The following EXD3 variants were observed in gnomAD, a reference collection of about 807,000 sequenced individuals.
EXD3 encodes exonuclease mut-7 homolog.
In EXD3, 92 loss-of-function variants were observed where a neutral mutation model predicts 98.0. The ratio of observed to expected loss-of-function variants is 0.94; its 90% CI spans 0.79 to 1.12. The LOEUF is 1.12. Ranked by LOEUF, EXD3 falls within the 50% of genes most tolerant of loss-of-function variation. The pLI is 0.00. For missense variants in EXD3, 1,222 were observed against 1,191.6 expected, an observed-to-expected ratio of 1.03 and a Z score of -0.38; for synonymous variants, 569 against 526.0, an observed-to-expected ratio of 1.08 and a Z score of -1.12.
chr9:137,393,552 T>A lies in EXD3; in HGVS notation c.55+1751A>T, dbSNP rs1837050672. On this transcript the variant is annotated intron_variant, in intron 2 of 21. Coordinates refer to ENST00000340951, the MANE Select transcript of EXD3 (RefSeq NM_017820.5). The surrounding 1 kb of genome is among the most constrained non-coding windows in gnomAD (Gnocchi z 4.6). ...CCGAGCACACGCTGACCTGGCTACA[T>A]CAGGGAAGGCGACATGCCCGGAGGT... 6.6e-6 allele frequency among the ~76,000 whole-genome samples: 1 copy of A among 152,124 alleles called. No homozygotes were observed. The highest frequency in any genetic ancestry group is 1.5e-5 in the Non-Finnish European group (1 of 68,008).
chr9:137,396,385 T>C lies in EXD3; in HGVS notation c.-47-981A>G, dbSNP rs551769610. ...TTTCTCTGAGTGCATAGCTTTAGTT[T>C]GAATCACACACAGCAGTTACACAAA... On this transcript the variant is annotated intron_variant, in intron 1 of 21. Coordinates refer to ENST00000340951, the MANE Select transcript of EXD3 (RefSeq NM_017820.5). Among the ~76,000 whole-genome samples, 6 of 152,334 alleles carry C rather than the reference T, an allele frequency of 3.9e-5. No homozygotes were observed. The South Asian group carries it at 1.2e-3, about 32-fold the overall frequency.
chr9:137,332,657 A>C (rs112433941), intron 17 of EXD3, among the ~76,000 whole-genome samples: 22,025 of 151,332 alleles, frequency 0.15, 2,010 homozygotes, highest in Admixed American at 0.28. Flanking sequence ...TCCTGGCTAA[A>C]ACAGTGAAAC....
At chr9:137,397,505 A>G (rs1329926051) in intron 1 of EXD3, among the ~76,000 whole-genome samples, 1 of 152,166 alleles carries the variant, frequency 6.6e-6, no homozygotes, top group Non-Finnish European at 1.5e-5. Flanking sequence ...CACGTAATAA[A>G]AATCACAAGA....
intron 19 of EXD3, among the ~76,000 whole-genome samples, chr9:137,320,399 C>T (rs958900748): frequency 1.3e-5 from 2 of 152,220 alleles, no homozygotes; most frequent in Admixed American, 6.5e-5. Context: ...CTGCCCTCTC[C>T]AGCCTGGACA....
chr9:137,384,255 G>A (rs1207520172), intron 2 of EXD3, among the ~76,000 whole-genome samples: 1 of 152,240 alleles, frequency 6.6e-6, no homozygotes, highest in African/African-American at 2.4e-5. Flanking sequence ...GACCTCAGCA[G>A]CTGGATTCTG....
At chr9:137,415,972 G>C (rs1281970087) in intron 1 of EXD3, among the ~76,000 whole-genome samples, 2 of 152,188 alleles carry the variant, frequency 1.3e-5, no homozygotes, top group Non-Finnish European at 2.9e-5. Context: ...GTGCCTCTGT[G>C]CTTTCTGTTT....
At chr9:137,406,881 T>G (rs138924926) in intron 1 of EXD3, among the ~76,000 whole-genome samples, 1,929 of 151,636 alleles carry the variant, frequency 0.013, 43 homozygotes, top group African/African-American at 0.043. Context: ...CTCAGCAGGC[T>G]GGGGACGGCC....
Position 137,371,070 on chromosome 9 carries a change from C to T in EXD3, c.462+1835G>A, listed in dbSNP as rs760383168. 2.0e-5 allele frequency among the ~76,000 whole-genome samples: 3 copies of T among 152,180 alleles called. No homozygotes were observed. Among genetic ancestry groups the T allele is most frequent in the Admixed American group, 2.0e-4 (3 of 15,286 alleles). The stretch of plus-strand genomic sequence containing the variant: ...CCCGCTCGGGGACAATGGCTTTCTT[C>T]GCAGAAGGGGCCTGTGCGGGACAAG... On this transcript the variant is annotated intron_variant, in intron 5 of 21. Coordinates refer to ENST00000340951, the MANE Select transcript of EXD3 (RefSeq NM_017820.5). The surrounding 1 kb of genome is among the most constrained non-coding windows in gnomAD (Gnocchi z 8.0).
chr9:137,385,574 C>T lies in EXD3; in HGVS notation c.56-2197G>A, dbSNP rs1177364910. Among the ~76,000 whole-genome samples the T allele has an allele frequency of 1.3e-5, 2 of 152,198 alleles. No individual in the cohort carries two copies. Among genetic ancestry groups the T allele is most frequent in the African/African-American group, 2.4e-5 (1 of 41,466 alleles). On this transcript the variant is annotated intron_variant, in intron 2 of 21. Transcript: ENST00000340951. This position sits in a 1 kb window ranked among gnomAD's most constrained non-coding sequence, Gnocchi z 4.4. ...TTATTTAGAGACGGAGTCTCACTGTCACCCAGGCTGGAGTGCAGTGCTGTG... is the reference window on the plus strand; with the variant it reads ...TTATTTAGAGACGGAGTCTCACTGTTACCCAGGCTGGAGTGCAGTGCTGTG...
intron 3 of EXD3, among the ~76,000 whole-genome samples, chr9:137,376,423 A>C (rs1334362691): frequency 1.1e-4 from 16 of 151,650 alleles, no homozygotes; most frequent in Non-Finnish European, 2.2e-4. Context: ...CTACAGGGCA[A>C]GCTCATCTAT....
At position 137,354,366 on chromosome 9, in the gene EXD3, T is replaced by C. The variant is rs1217047690; in HGVS notation, c.843A>G (p.Ser281=). 6.2e-7 allele frequency: 1 copy of C among 1,612,286 alleles called. No homozygotes were observed. The highest frequency in any genetic ancestry group is 1.1e-5 in the South Asian group (1 of 91,080). ...CHKRFVEKSL[S]QENWTDHVQG... is the part of the protein sequence containing the mutation. ...GCACATGGTCGGTCCAGTTCTCCTGTGACAGGCTCTTCTGCAAAGGCAAAC... is the reference window on the plus strand; with the variant it reads ...GCACATGGTCGGTCCAGTTCTCCTGCGACAGGCTCTTCTGCAAAGGCAAAC... The change falls in exon 10 of 22, where the codon TCA becomes TCG. Residue 281 remains serine, a synonymous_variant. Coordinates refer to ENST00000340951, the MANE Select transcript of EXD3 (RefSeq NM_017820.5).
At chr9:137,335,077 A>G (rs989264002) in intron 17 of EXD3, among the ~76,000 whole-genome samples, 3 of 151,588 alleles carry the variant, frequency 2.0e-5, no homozygotes, top group African/African-American at 7.3e-5. Flanking sequence ...ACTCTGTCTC[A>G]AAAGGAAAAA....
At chr9:137,410,899 C>T (rs563662286) in intron 1 of EXD3, among the ~76,000 whole-genome samples, 1 of 151,896 alleles carries the variant, frequency 6.6e-6, no homozygotes, top group Admixed American at 6.6e-5. Flanking sequence ...CCCCAGCCCC[C>T]GGCCTCAGTG....
chr9:137,385,676 G>A lies in EXD3; in HGVS notation c.56-2299C>T, dbSNP rs576118387. On this transcript the variant is annotated intron_variant, in intron 2 of 21. Coordinates refer to ENST00000340951, the MANE Select transcript of EXD3 (RefSeq NM_017820.5). The surrounding 1 kb of genome is among the most constrained non-coding windows in gnomAD (Gnocchi z 4.4). Reference sequence around the variant, plus strand: ...AGCCTCCGGAGTAGCTGGGAGTACAGGCGCTCACCGCTACGCCTGGCTAAT... The same window carrying A: ...AGCCTCCGGAGTAGCTGGGAGTACAAGCGCTCACCGCTACGCCTGGCTAAT... Among the ~76,000 whole-genome samples the A allele has an allele frequency of 1.2e-4, 18 of 152,224 alleles. No individual in the cohort carries two copies. The East Asian group carries it at 2.7e-3, about 23-fold the overall frequency.
rs1297236843 is a variant in EXD3, at chr9:137,393,768, G to A, written c.55+1535C>T. 6.6e-6 allele frequency among the ~76,000 whole-genome samples: 1 copy of A among 152,208 alleles called. No individual in the cohort carries two copies. Among genetic ancestry groups the A allele is most frequent in the African/African-American group, 2.4e-5 (1 of 41,460 alleles). ...CATGGCCCTGCCCCATGGAGGGGCT[G>A]CCAGGCAGGGCATGTGTAGGGTGGA... On this transcript the variant is annotated intron_variant, in intron 2 of 21. Coordinates refer to ENST00000340951, the MANE Select transcript of EXD3 (RefSeq NM_017820.5). This position sits in a 1 kb window ranked among gnomAD's most constrained non-coding sequence, Gnocchi z 4.6.
At chr9:137,320,471 G>A (rs1348188427) in intron 19 of EXD3, among the ~76,000 whole-genome samples, 1 of 152,216 alleles carries the variant, frequency 6.6e-6, no homozygotes, top group Non-Finnish European at 1.5e-5. Context: ...TGCTCTACCT[G>A]CAGCCCCCCT....
At chr9:137,409,452 C>T (rs1837890926) in intron 1 of EXD3, among the ~76,000 whole-genome samples, 1 of 152,224 alleles carries the variant, frequency 6.6e-6, no homozygotes, top group South Asian at 2.1e-4. Flanking sequence ...CGTGGTGGCT[C>T]ACACCTTTGA....
chr9:137,366,371 A>C (rs1159282893), intron 7 of EXD3, 122 bp downstream of exon 7: 2 of 1,414,318 alleles, frequency 1.4e-6, no homozygotes, highest in African/African-American at 2.8e-5. Flanking sequence ...GCTGTGACCC[A>C]AACACCAGAA....
intron 1 of EXD3, among the ~76,000 whole-genome samples, chr9:137,420,301 C>G (rs73565533): frequency 0.018 from 2,695 of 152,172 alleles, 80 homozygotes; most frequent in African/African-American, 0.062. Flanking sequence ...AAACCTTTTT[C>G]TTTTTGAGCT....
Sources: gnomAD v4.1 joint callset for allele counts (sites outside exome capture counted in the v4.1 genomes callset) on GRCh38, gnomAD v4.1.1 for gene constraint, Gnocchi (gnomAD v3.1) non-coding constraint, MANE v1.5 for transcripts, NCBI Gene and HGNC (gene_info 2026-07-23, HGNC 2026-07-21) for gene names.